POLR3B: variants seen among roughly 807,000 people sequenced by gnomAD.
The protein encoded by POLR3B is RNA polymerase III subunit B, also known as DNA-directed RNA polymerase III subunit RPC2.
POLR3B carries 96 observed loss-of-function variants against 147.4 expected under a neutral mutation model. That is an observed-to-expected ratio of 0.65 (90% CI 0.55 to 0.77). POLR3B has a LOEUF of 0.77. Among genes scored for constraint, POLR3B ranks in the 30% least tolerant of loss-of-function variants. The pLI, the probability that POLR3B is intolerant of heterozygous loss-of-function variation, is 0.00. For synonymous variants in POLR3B, 461 were observed against 485.9 expected (o/e 0.95, Z 0.67); for missense variants, 1,036 against 1,413.5 (o/e 0.73, Z 4.28).
intron 27 of POLR3B, among the ~76,000 whole-genome samples, chr12:106,508,706 A>G (rs926935526): frequency 6.6e-6 from 1 of 152,252 alleles, no homozygotes; most frequent in Non-Finnish European, 1.5e-5. Flanking sequence ...CAAAGTGGTT[A>G]GGAACATGGA....
At chr12:106,456,901 G>A (rs534152705) in intron 20 of POLR3B, among the ~76,000 whole-genome samples, 7 of 152,246 alleles carry the variant, frequency 4.6e-5, no homozygotes, top group African/African-American at 1.4e-4. Flanking sequence ...GCAGAAAATG[G>A]TTGTAGAGAT....
At chr12:106,465,858 A>G (rs2037998482) in intron 23 of POLR3B, among the ~76,000 whole-genome samples, 1 of 152,174 alleles carries the variant, frequency 6.6e-6, no homozygotes, top group Non-Finnish European at 1.5e-5. Flanking sequence ...AACCCAGTCT[A>G]TCATTGATGG....
intron 1 of POLR3B, among the ~76,000 whole-genome samples, chr12:106,358,992 C>T (rs534191645): frequency 1.3e-5 from 2 of 152,204 alleles, no homozygotes; most frequent in South Asian, 2.1e-4. Flanking sequence ...CCAAGGCGGG[C>T]GGATCACTTG....
intron 4 of POLR3B, 38 bp from the exon 5 acceptor site, chr12:106,369,237 A>C (rs556447334): frequency 1.1e-4 from 115 of 1,061,996 alleles, no homozygotes; most frequent in Middle Eastern, 2.0e-4. Context: ...ATGATCTTCG[A>C]AGAAGTATAA....
In POLR3B at chr12:106,437,057, A is replaced by G; in HGVS notation, c.1782A>G (p.Arg594=). The G allele has an allele frequency of 6.2e-7, 1 of 1,612,284 alleles. No homozygotes were observed. Among genetic ancestry groups the G allele is most frequent in the Non-Finnish European group, 8.5e-7 (1 of 1,178,822 alleles). The change falls in exon 17 of 28, where the codon AGA becomes AGG. Residue 594 remains arginine (R), a splice_region_variant and synonymous_variant. Transcript: ENST00000228347. ...ATTTGGTTTGCTGTTTCCATTCTAG[A>G]CCCTACATAATTGTCAAGAAACAGA... ...YISSDGGRLC[R]PYIIVKKQKP... is the part of the protein sequence containing the mutation.
At chr12:106,376,487 ATTC>A (rs772949295) in intron 7 of POLR3B, 37 bp downstream of exon 7, 5 of 1,315,600 alleles carry the variant, frequency 3.8e-6, no homozygotes, top group South Asian at 3.5e-5. Flanking sequence ...CACTTTCCTT[ATTC>A]TTTTATTCTG....
intron 25 of POLR3B, 79 bp downstream of exon 25, chr12:106,496,997 C>G (rs1267574215): frequency 1.5e-6 from 2 of 1,367,998 alleles, no homozygotes; most frequent in East Asian, 2.3e-5. Flanking sequence ...AAGGTATACT[C>G]TATTAAGTAT....
chr12:106,455,402 G>T (rs2037851912), intron 20 of POLR3B, among the ~76,000 whole-genome samples: 1 of 152,128 alleles, frequency 6.6e-6, no homozygotes, highest in South Asian at 2.1e-4. Context: ...TCCTAGACAT[G>T]TGTCTTTGGC....
chr12:106,376,388 G>A lies in POLR3B; in HGVS notation c.434G>A (p.Cys145Tyr), dbSNP rs139443783. 25 of 1,613,020 alleles carry A rather than the reference G, an allele frequency of 1.5e-5. No individual in the cohort carries two copies. Among genetic ancestry groups the A allele is most frequent in the Non-Finnish European group, 1.9e-5 (23 of 1,179,490 alleles). ...RMPIMLRSSN[C>Y]VLTGKTPAEF... ...CCCATAATGCTACGTAGTTCAAACT[G>A]TGTTCTTACAGGAAAAACGCCAGCA... is the stretch of plus-strand genomic sequence containing the variant. Residue 145 changes from cysteine (C) to tyrosine (Y), a missense_variant, in exon 7 of 28, where the codon TGT becomes TAT. Physicochemically the swap from Cys to Tyr is radical, Grantham distance 194. This residue lies in a region of POLR3B where 217 missense variants were observed against 288.7 expected (regional missense o/e 0.75). Transcript: ENST00000228347.
intron 2 of POLR3B, 47 bp from the exon 3 acceptor site, chr12:106,366,469 C>T (rs1373288120): frequency 2.1e-5 from 27 of 1,268,206 alleles, no homozygotes; most frequent in Non-Finnish European, 3.1e-5. Flanking sequence ...CATCAGTACT[C>T]TTTGCACTTT....
At chr12:106,503,795 A>G (rs1479251050) in intron 26 of POLR3B, among the ~76,000 whole-genome samples, 1 of 152,246 alleles carries the variant, frequency 6.6e-6, no homozygotes, top group Non-Finnish European at 1.5e-5. Context: ...CTGTGATTAT[A>G]TATTAATATG....
intron 23 of POLR3B, among the ~76,000 whole-genome samples, chr12:106,488,011 C>T (rs1406853228): frequency 6.6e-6 from 1 of 152,184 alleles, no homozygotes; most frequent in Non-Finnish European, 1.5e-5. Flanking sequence ...AGCAACATCA[C>T]CTTCTGTAAC....
chr12:106,392,976 T>C (rs2036930514), intron 9 of POLR3B, 55 bp from the exon 10 acceptor site: 1 of 1,609,358 alleles, frequency 6.2e-7, no homozygotes, highest in African/African-American at 1.3e-5. Context: ...CATAAGCAAA[T>C]GTCAGTGAGT....
chr12:106,476,613 C>T (rs1372867802), intron 23 of POLR3B, among the ~76,000 whole-genome samples: 1 of 141,046 alleles, frequency 7.1e-6, no homozygotes, highest in Admixed American at 7.1e-5. Context: ...TCATTTCATT[C>T]ATTTCATCTT....
At chr12:106,412,445 T>G (rs890204305) in intron 12 of POLR3B, among the ~76,000 whole-genome samples, 1 of 152,196 alleles carries the variant, frequency 6.6e-6, no homozygotes, top group Non-Finnish European at 1.5e-5. Context: ...GACTGCAACT[T>G]ACTTTCTCAT....
chr12:106,427,483 C>CACAAATTT, intron 13 of POLR3B, 125 bp downstream of exon 13: 1 of 882,456 alleles, frequency 1.1e-6, no homozygotes. Context: ...GTTTACAAAG[C>CACAAATTT]ACAAATTTCT....
intron 16 of POLR3B, among the ~76,000 whole-genome samples, chr12:106,434,778 C>G (rs1453395417): frequency 6.6e-6 from 1 of 152,150 alleles, no homozygotes; most frequent in African/African-American, 2.4e-5. Context: ...TGCTTTCTTT[C>G]CTCCAGCATC....
chr12:106,496,612 C>A lies in POLR3B; in HGVS notation c.2818-140C>A. 1.5e-5 allele frequency: 11 copies of A among 749,800 alleles called. No individual in the cohort carries two copies. In the South Asian group the frequency reaches 1.7e-4, roughly 12 times the overall value. The allele number at this position is 749,800 out of a possible 1,614,324, so 46.4% of individuals were successfully genotyped here. On this transcript the variant is annotated intron_variant, in intron 24 of 27. Coordinates refer to ENST00000228347, the MANE Select transcript of POLR3B (RefSeq NM_018082.6). ...TTGAGAGGCGTAAAATTAGATCACACATGTCAAGCTTAAATACTGCTTCTA... is the reference window on the plus strand; with the variant it reads ...TTGAGAGGCGTAAAATTAGATCACAAATGTCAAGCTTAAATACTGCTTCTA...
intron 12 of POLR3B, among the ~76,000 whole-genome samples, chr12:106,414,938 T>C (rs940451995): frequency 5.9e-5 from 9 of 152,212 alleles, no homozygotes; most frequent in African/African-American, 2.2e-4. Context: ...TTTCTTCATT[T>C]GCTGTCTTAA....
Sources: gnomAD v4.1 joint callset for allele counts (sites outside exome capture counted in the v4.1 genomes callset) on GRCh38, gnomAD v4.1.1 for gene constraint, gnomAD v4.1.1 regional missense constraint, MANE v1.5 for transcripts, NCBI Gene and HGNC (gene_info 2026-07-23, HGNC 2026-07-21) for gene names.